The following FBN2 variants were observed in gnomAD, a reference collection of about 807,000 sequenced individuals.
FBN2 encodes the protein fibrillin-2.
FBN2 carries 105 observed loss-of-function variants against 355.6 expected under a neutral mutation model. The observed-to-expected ratio is 0.30, with a 90% CI of 0.25 to 0.35. FBN2 has a LOEUF of 0.35. Among genes scored for constraint, FBN2 ranks in the 10% least tolerant of loss-of-function variants. FBN2 has a pLI of 1.00. For synonymous variants in FBN2, 1,350 were observed against 1,301.2 expected (o/e 1.04, Z -0.81); for missense variants, 3,280 against 3,758.7 (o/e 0.87, Z 3.33).
At chr5:128,448,310 CT>C (rs879871953) in intron 6 of FBN2, among the ~76,000 whole-genome samples, 482 of 144,978 alleles carry the variant, frequency 3.3e-3, no homozygotes, top group Middle Eastern at 7.0e-3. Context: ...AATTTTCTTT[CT>C]TTTTTTTTTT....
chr5:128,480,458 CAG>C (rs932070258), intron 5 of FBN2, among the ~76,000 whole-genome samples: 41 of 152,168 alleles, frequency 2.7e-4, no homozygotes, highest in African/African-American at 9.4e-4. Context: ...ATGGATATAA[CAG>C]GGGAGCTTTA....
chr5:128,296,108 T>C (rs1749501827), intron 48 of FBN2, among the ~76,000 whole-genome samples: 1 of 152,230 alleles, frequency 6.6e-6, no homozygotes, highest in South Asian at 2.1e-4. Flanking sequence ...GTGGTTTTTG[T>C]TTTTGGTTCT....
chr5:128,511,243 C>T (rs1196190985), intron 5 of FBN2, among the ~76,000 whole-genome samples: 2 of 152,264 alleles, frequency 1.3e-5, no homozygotes, highest in African/African-American at 4.8e-5. Context: ...TCCAGAATGA[C>T]GTTTGTGGAG....
chr5:128,312,736 A>G lies in FBN2; in HGVS notation c.4777T>C (p.Cys1593Arg). ...FGPRGDGSLS[C>R]NTEIGVGVSR... ...ACGCCCACCCCGATCTCGGTGTTGC[A>G]AGACAGACTCCCATCTCCTCGAGGT... Residue 1593 changes from cysteine (C) to arginine (R), a missense_variant, in exon 37 of 65, where the codon TGC (cysteine) becomes CGC (arginine). Coordinates refer to ENST00000262464, the MANE Select transcript of FBN2 (RefSeq NM_001999.4). 6.2e-7 allele frequency: 1 copy of G among 1,613,854 alleles called. No individual in the cohort carries two copies. The highest frequency in any genetic ancestry group is 8.5e-7 in the Non-Finnish European group (1 of 1,179,954).
At chr5:128,348,266 G>A (rs1320142271) in intron 23 of FBN2, among the ~76,000 whole-genome samples, 2 of 151,572 alleles carry the variant, frequency 1.3e-5, no homozygotes, top group Non-Finnish European at 2.9e-5. Flanking sequence ...ATAGTTTTGG[G>A]GGAATATTTT....
At chr5:128,341,625 C>A (rs1047040594) in intron 25 of FBN2, among the ~76,000 whole-genome samples, 2 of 152,214 alleles carry the variant, frequency 1.3e-5, no homozygotes, top group Non-Finnish European at 2.9e-5. Context: ...CTACTCAAGG[C>A]AACTCTGATG....
At chr5:128,495,380 A>G (rs1755628153) in intron 5 of FBN2, among the ~76,000 whole-genome samples, 2 of 152,216 alleles carry the variant, frequency 1.3e-5, no homozygotes, top group South Asian at 4.1e-4. Context: ...GGAAAAGAAC[A>G]GTAAAAGATA....
chr5:128,429,703 C>T (rs1026113277), intron 7 of FBN2, among the ~76,000 whole-genome samples: 8 of 152,266 alleles, frequency 5.3e-5, no homozygotes, highest in East Asian at 1.9e-4. Context: ...GGATACTATA[C>T]TTCCTGTTTT....
intron 59 of FBN2, 151 bp downstream of exon 59, chr5:128,275,887 G>T: frequency 2.3e-6 from 2 of 852,244 alleles, no homozygotes; most frequent in South Asian, 2.8e-5. Context: ...GAGCATATTG[G>T]TAGAGTTTTT....
intron 7 of FBN2, among the ~76,000 whole-genome samples, chr5:128,444,233 C>T (rs1037639690): frequency 9.3e-5 from 14 of 151,276 alleles, no homozygotes; most frequent in East Asian, 3.9e-4. Context: ...CCACCGCGCC[C>T]GGCTAATTTT....
chr5:128,378,183 A>C (rs964794695), intron 12 of FBN2, among the ~76,000 whole-genome samples: 2 of 152,104 alleles, frequency 1.3e-5, no homozygotes, highest in African/African-American at 4.8e-5. Context: ...AGGCCTTAAA[A>C]GTCAGAACAA....
intron 27 of FBN2, among the ~76,000 whole-genome samples, chr5:128,337,108 T>C (rs1382674574): frequency 6.6e-6 from 1 of 152,210 alleles, no homozygotes; most frequent in Non-Finnish European, 1.5e-5. Flanking sequence ...CATGAATAAA[T>C]ATTCTGCAAT....
intron 32 of FBN2, 138 bp from the exon 33 acceptor site, chr5:128,330,833 C>T: frequency 2.0e-6 from 2 of 979,732 alleles, no homozygotes; most frequent in Non-Finnish European, 3.1e-6. Context: ...TTCTAATTCG[C>T]TAAGCTCTCA....
intron 5 of FBN2, among the ~76,000 whole-genome samples, chr5:128,480,890 C>A (rs976305416): frequency 1.4e-4 from 21 of 152,178 alleles, no homozygotes; most frequent in African/African-American, 5.1e-4. Context: ...ATGAGAGAGG[C>A]AGAAAAGTCT....
At chr5:128,357,141 G>A in intron 20 of FBN2, 135 bp downstream of exon 20, 1 of 1,093,798 alleles carries the variant, frequency 9.1e-7, no homozygotes, top group Admixed American at 1.9e-5. Flanking sequence ...TATTGATATT[G>A]AGTAAAAACA....
chr5:128,434,419 T>TATATATATATATATATATATATAC, intron 7 of FBN2, among the ~76,000 whole-genome samples: 1 of 125,592 alleles, frequency 8.0e-6, no homozygotes, highest in Admixed American at 8.2e-5. Flanking sequence ...TATATATATA[T>TATATATATATATATATATATATAC]ATATATGGGC....
intron 17 of FBN2, 107 bp from the exon 18 acceptor site, chr5:128,364,832 A>G (rs988012558): frequency 4.2e-6 from 4 of 951,828 alleles, no homozygotes; most frequent in Admixed American, 4.1e-5. Context: ...TTAACTCTGC[A>G]AACTCACAAT....
At chr5:128,344,136 A>T (rs1751102831) in intron 25 of FBN2, among the ~76,000 whole-genome samples, 1 of 152,176 alleles carries the variant, frequency 6.6e-6, no homozygotes, top group Non-Finnish European at 1.5e-5. Flanking sequence ...CTGTGCTCCC[A>T]GTTACTTGGG....
chr5:128,456,012 A>C (rs1271034113), intron 6 of FBN2, among the ~76,000 whole-genome samples: 7 of 146,956 alleles, frequency 4.8e-5, no homozygotes, highest in African/African-American at 1.8e-4. Flanking sequence ...AAAAAAAAAA[A>C]AAAAAAAAAA....
Sources: gnomAD v4.1 joint callset for allele counts (sites outside exome capture counted in the v4.1 genomes callset) on GRCh38, gnomAD v4.1.1 for gene constraint, MANE v1.5 for transcripts, NCBI Gene and HGNC (gene_info 2026-07-23, HGNC 2026-07-21) for gene names.